The following SH2D4B variants were observed in gnomAD, a reference collection of about 807,000 sequenced individuals.
SH2D4B encodes SH2 domain-containing protein 4B.
SH2D4B carries 45 observed loss-of-function variants against 61.5 expected under a neutral mutation model. The ratio of observed to expected loss-of-function variants is 0.73; its 90% CI spans 0.58 to 0.94. SH2D4B has a LOEUF of 0.94. SH2D4B is among the 40% of genes least tolerant of loss of function. The probability of loss-of-function intolerance (pLI) is 0.00; values close to 1 mark genes in which losing one functional copy is unlikely to be tolerated. For synonymous variants in SH2D4B, 224 were observed against 220.4 expected, an observed-to-expected ratio of 1.02 and a Z score of -0.14; for missense variants, 572 against 574.2, an observed-to-expected ratio of 1.00 and a Z score of 0.04.
At chr10:80,604,508 G>A (rs1307831273) in intron 5 of SH2D4B, among the ~76,000 whole-genome samples, 1 of 152,146 alleles carries the variant, frequency 6.6e-6, no homozygotes, top group African/African-American at 2.4e-5. Context: ...GAGGCTGGGT[G>A]GTGAGCACCT....
At chr10:80,605,734 G>A (rs921463043) in intron 5 of SH2D4B, among the ~76,000 whole-genome samples, 2 of 152,080 alleles carry the variant, frequency 1.3e-5, no homozygotes, top group Non-Finnish European at 2.9e-5. Context: ...GGTCAGGCTG[G>A]TCTCGAACTC....
chr10:80,600,797 C>T (rs538866916), intron 4 of SH2D4B, among the ~76,000 whole-genome samples: 24 of 152,256 alleles, frequency 1.6e-4, no homozygotes, highest in Non-Finnish European at 2.6e-4. Context: ...AGTCTGCATA[C>T]GATTTCCTTC....
intron 4 of SH2D4B, among the ~76,000 whole-genome samples, chr10:80,600,870 A>C (rs1448314138): frequency 6.6e-6 from 1 of 152,090 alleles, no homozygotes; most frequent in Non-Finnish European, 1.5e-5. Context: ...AATCTTCCAA[A>C]AGTCACGGTC....
chr10:80,556,351 AC>A (rs1406411295), intron 1 of SH2D4B, among the ~76,000 whole-genome samples: 1 of 152,236 alleles, frequency 6.6e-6, no homozygotes. Context: ...TTCAAACAGT[AC>A]CTTTATAGTA....
intron 6 of SH2D4B, among the ~76,000 whole-genome samples, chr10:80,611,194 A>C (rs960448803): frequency 8.6e-5 from 13 of 151,212 alleles, no homozygotes; most frequent in East Asian, 3.9e-4. Context: ...AAAAAAAAAA[A>C]AAAAAAAAAC....
intron 7 of SH2D4B, among the ~76,000 whole-genome samples, chr10:80,639,907 T>G (rs186541907): frequency 1.7e-3 from 256 of 152,354 alleles, no homozygotes; most frequent in African/African-American, 5.8e-3. Flanking sequence ...ATTAGGGATG[T>G]TTTTGCAGTG....
intron 1 of SH2D4B, among the ~76,000 whole-genome samples, chr10:80,562,712 C>T (rs924888083): frequency 6.6e-6 from 1 of 152,038 alleles, no homozygotes; most frequent in African/African-American, 2.4e-5. Context: ...CTATTTTCCG[C>T]AATAGCTGTA....
At chr10:80,590,457 CA>C (rs1447488786) in intron 4 of SH2D4B, among the ~76,000 whole-genome samples, 1 of 152,006 alleles carries the variant, frequency 6.6e-6, no homozygotes. Flanking sequence ...CCTCAGATGT[CA>C]AAAAATCAGA....
intron 4 of SH2D4B, among the ~76,000 whole-genome samples, chr10:80,592,715 C>CTTTTTTTTTT (rs60807866): frequency 1.5e-5 from 2 of 134,562 alleles, no homozygotes; most frequent in Non-Finnish European, 1.6e-5. Context: ...CTCTCTGTCT[C>CTTTTTTTTTT]TTTTTTTTTT....
At chr10:80,575,470 A>G (rs1421165530) in intron 3 of SH2D4B, among the ~76,000 whole-genome samples, 1 of 152,052 alleles carries the variant, frequency 6.6e-6, no homozygotes, top group Non-Finnish European at 1.5e-5. Context: ...TTAGAAACAA[A>G]GGGATGTGGG....
chr10:80,542,239 G>A (rs1285006470), intron 1 of SH2D4B, among the ~76,000 whole-genome samples: 1 of 151,816 alleles, frequency 6.6e-6, no homozygotes, highest in Non-Finnish European at 1.5e-5. Context: ...CCTGTGTTAG[G>A]AATTATGAAC....
intron 5 of SH2D4B, among the ~76,000 whole-genome samples, chr10:80,604,251 G>C (rs1842489679): frequency 6.6e-6 from 1 of 152,170 alleles, no homozygotes; most frequent in Admixed American, 6.5e-5. Context: ...GGAATAGTAG[G>C]TTTGCAGTTT....
At chr10:80,594,339 C>A (rs1842363351) in intron 4 of SH2D4B, among the ~76,000 whole-genome samples, 1 of 152,202 alleles carries the variant, frequency 6.6e-6, no homozygotes, top group African/African-American at 2.4e-5. Context: ...ATAAATCCCA[C>A]TTCTTTATAG....
At chr10:80,618,565 A>G (rs1842683826) in intron 6 of SH2D4B, among the ~76,000 whole-genome samples, 1 of 152,226 alleles carries the variant, frequency 6.6e-6, no homozygotes, top group Non-Finnish European at 1.5e-5. Context: ...TTGAGAATGA[A>G]GAGCTTAATA....
intron 3 of SH2D4B, among the ~76,000 whole-genome samples, chr10:80,574,003 G>T (rs1232517564): frequency 2.6e-5 from 4 of 152,098 alleles, no homozygotes; most frequent in Non-Finnish European, 5.9e-5. Context: ...TTTTGTCTTT[G>T]TTAATTTTTT....
At chr10:80,559,575 A>G (rs1254304866) in intron 1 of SH2D4B, among the ~76,000 whole-genome samples, 1 of 151,538 alleles carries the variant, frequency 6.6e-6, no homozygotes, top group Non-Finnish European at 1.5e-5. Context: ...TTGCTTAATC[A>G]TTATATAAAT....
intron 3 of SH2D4B, among the ~76,000 whole-genome samples, chr10:80,578,641 C>T (rs1842152810): frequency 6.6e-6 from 1 of 152,076 alleles, no homozygotes; most frequent in African/African-American, 2.4e-5. Context: ...GTGTGAAGCT[C>T]TTAAATGCTA....
intron 7 of SH2D4B, among the ~76,000 whole-genome samples, chr10:80,635,494 A>C (rs564469068): frequency 6.6e-6 from 1 of 152,308 alleles, no homozygotes; most frequent in Admixed American, 6.5e-5. Flanking sequence ...TTGTCTCTTC[A>C]TGGAAGTCCC....
chr10:80,569,818 A>T (rs555253908), intron 1 of SH2D4B, among the ~76,000 whole-genome samples: 2 of 152,292 alleles, frequency 1.3e-5, no homozygotes, highest in East Asian at 1.9e-4. Flanking sequence ...AACCTAAAAG[A>T]TATCACTGCA....
Sources: allele counts gnomAD v4.1 joint callset (sites outside exome capture counted in the v4.1 genomes callset), GRCh38; gene constraint gnomAD v4.1.1; transcripts MANE v1.5; gene names NCBI Gene and HGNC (gene_info 2026-07-23, HGNC 2026-07-21).